Variants in SAE1 observed in about 807,000 individuals in gnomAD.
SAE1 encodes SUMO-activating enzyme subunit 1.
In SAE1, 11 loss-of-function variants were observed where a neutral mutation model predicts 40.6. The observed-to-expected ratio is 0.27, with a 90% CI of 0.17 to 0.45. The LOEUF (loss-of-function observed/expected upper bound fraction) is 0.45, where lower values mean the gene tolerates loss of function less well. Ranked by LOEUF, SAE1 falls within the 20% of genes least tolerant of loss-of-function variation. The probability of loss-of-function intolerance (pLI) is 1.00; values close to 1 mark genes in which losing one functional copy is unlikely to be tolerated. For missense variants in SAE1, 373 were observed against 427.3 expected (o/e 0.87, Z 1.12); for synonymous variants, 155 against 154.3 (o/e 1.00, Z -0.03).
intron 1 of SAE1, among the ~76,000 whole-genome samples, chr19:47,138,688 A>G (rs1339004151): frequency 6.6e-6 from 1 of 152,116 alleles, no homozygotes; most frequent in African/African-American, 2.4e-5. Context: ...GTAAACATAT[A>G]AACAAGTAGT....
rs111777496 is a variant in SAE1, at chr19:47,155,026, C to T, written c.528-88C>T. 4.5e-3 allele frequency: 3,706 copies of T among 817,530 alleles called. 105 individuals are homozygous for T. In the African/African-American group the frequency reaches 0.056, roughly 12 times the overall value. 50.6% of individuals were successfully genotyped at this position (817,530 alleles called of 1,614,324 possible). A position where few individuals can be genotyped will look rare whatever the true frequency, so the allele number is the denominator to read the frequency against. On this transcript the variant is annotated intron_variant, in intron 4 of 8. Transcript: ENST00000270225. The stretch of plus-strand genomic sequence containing the variant: ...AAAGCTTTTGCCCTTAACCACCATC[C>T]CGATCTGTGACCTGGAGAGGCTTTT...
chr19:47,174,019 C>T (rs1018233411), intron 6 of SAE1, among the ~76,000 whole-genome samples: 3 of 151,902 alleles, frequency 2.0e-5, no homozygotes, highest in African/African-American at 7.2e-5. Context: ...CTCCTGACCT[C>T]GTGATCCACC....
At chr19:47,140,423 T>C (rs999833540) in intron 1 of SAE1, among the ~76,000 whole-genome samples, 3 of 152,038 alleles carry the variant, frequency 2.0e-5, no homozygotes, top group Non-Finnish European at 4.4e-5. Context: ...GGCTAATTTT[T>C]GTAATTTTAG....
chr19:47,164,365 C>T (rs2058376993), intron 5 of SAE1, among the ~76,000 whole-genome samples: 1 of 152,012 alleles, frequency 6.6e-6, no homozygotes, highest in Admixed American at 6.6e-5. Context: ...AGACGGGTTT[C>T]ACCGTGTTAG....
chr19:47,142,603 C>G (rs959219371), intron 1 of SAE1: 22 of 152,284 alleles, frequency 1.4e-4, no homozygotes, highest in African/African-American at 5.1e-4. Flanking sequence ...CAGAATCCTT[C>G]CATTGCATGT....
intron 7 of SAE1, among the ~76,000 whole-genome samples, chr19:47,199,910 C>G (rs891926755): frequency 9.2e-5 from 14 of 151,764 alleles, no homozygotes; most frequent in Non-Finnish European, 1.8e-4. Context: ...ACCTTGTAAA[C>G]TGCTGCCTAT....
chr19:47,171,435 G>T (rs1263653168), intron 6 of SAE1, among the ~76,000 whole-genome samples: 20 of 151,458 alleles, frequency 1.3e-4, no homozygotes, highest in Admixed American at 1.3e-3. Flanking sequence ...CTGAAATACA[G>T]GCGGGCACCA....
At chr19:47,143,127 C>T (rs181880706) in intron 1 of SAE1, among the ~76,000 whole-genome samples, 7 of 151,320 alleles carry the variant, frequency 4.6e-5, no homozygotes, top group African/African-American at 7.3e-5. Flanking sequence ...TTTTTTGAGA[C>T]GGAGTCTCAC....
At chr19:47,139,755 A>ATTT (rs780524600) in intron 1 of SAE1, among the ~76,000 whole-genome samples, 8 of 125,122 alleles carry the variant, frequency 6.4e-5, no homozygotes, top group African/African-American at 2.4e-4. Flanking sequence ...CTCCCGGCCA[A>ATTT]TTTTTTTTTT....
chr19:47,143,363 C>T (rs2058234071), intron 1 of SAE1, 131 bp from the exon 2 acceptor site: 1 of 664,172 alleles, frequency 1.5e-6, no homozygotes, highest in African/African-American at 1.8e-5. Flanking sequence ...TCTCAGCCTC[C>T]TAAAGTGCTG....
intron 6 of SAE1, among the ~76,000 whole-genome samples, chr19:47,188,358 A>G (rs950705746): frequency 1.3e-5 from 2 of 152,124 alleles, no homozygotes; most frequent in African/African-American, 2.4e-5. Context: ...TCAAAAAAAA[A>G]AAAGAAAAAA....
chr19:47,164,135 A>G (rs2058375291), intron 5 of SAE1, among the ~76,000 whole-genome samples: 1 of 151,744 alleles, frequency 6.6e-6, no homozygotes, highest in Non-Finnish European at 1.5e-5. Context: ...GCATTCCCCA[A>G]ATCTGCTTTG....
chr19:47,154,480 C>CTTTTTTTTTTTT (rs57870733), intron 4 of SAE1, among the ~76,000 whole-genome samples: 1 of 51,576 alleles, frequency 1.9e-5, no homozygotes, highest in Admixed American at 3.4e-4. Context: ...TTAAGTTTGG[C>CTTTTTTTTTTTT]TTTTTTTTTT....
intron 5 of SAE1, among the ~76,000 whole-genome samples, chr19:47,155,460 CTT>C (rs982443685): frequency 2.0e-5 from 3 of 149,182 alleles, no homozygotes; most frequent in African/African-American, 4.9e-5. Context: ...CTGTCCCAAA[CTT>C]TTTTTTTTGT....
chr19:47,131,111 A>C, intron 1 of SAE1, 83 bp downstream of exon 1: 1 of 1,448,262 alleles, frequency 6.9e-7, no homozygotes, highest in Non-Finnish European at 9.1e-7. Flanking sequence ...AGGAGCGGGA[A>C]GGTGTGATTT....
At chr19:47,195,294 A>C (rs1393446137) in intron 6 of SAE1, among the ~76,000 whole-genome samples, 2 of 152,114 alleles carry the variant, frequency 1.3e-5, no homozygotes, top group East Asian at 3.9e-4. Context: ...ACCTCAGATG[A>C]TCCACCCGCC....
chr19:47,202,561 CAGGCATCAGCCACTG>C (rs1177354426), intron 7 of SAE1, among the ~76,000 whole-genome samples: 1 of 150,738 alleles, frequency 6.6e-6, no homozygotes, highest in East Asian at 2.0e-4. Flanking sequence ...GCTGGGATTA[CAGGCATCAGCCACTG>C]AGCCCGCCCT....
In SAE1 at chr19:47,176,878, G is replaced by A. The variant is rs73568491; in HGVS notation, c.733+6955G>A. On this transcript the variant is annotated intron_variant, in intron 6 of 8. Transcript: ENST00000270225. ...TGGCATGTTGCAAAACAGTAAGCGT[G>A]AGCTGGTTTCCTGTGGCAAAAAAAT... is the stretch of plus-strand genomic sequence containing the variant. 3.4e-3 allele frequency among the ~76,000 whole-genome samples: 514 copies of A among 152,286 alleles called. 3 individuals carry two copies. The highest frequency in any genetic ancestry group is 0.011 in the African/African-American group (438 of 41,554).
chr19:47,138,498 G>A (rs1044053284), intron 1 of SAE1, among the ~76,000 whole-genome samples: 6 of 151,846 alleles, frequency 4.0e-5, no homozygotes, highest in Non-Finnish European at 8.8e-5. Context: ...ATAAATGTTG[G>A]CCATTATTAT....
Sources: gnomAD v4.1 joint callset for allele counts (sites outside exome capture counted in the v4.1 genomes callset) on GRCh38, gnomAD v4.1.1 for gene constraint, MANE v1.5 for transcripts, NCBI Gene and HGNC (gene_info 2026-07-23, HGNC 2026-07-21) for gene names.